EDA: variants seen among roughly 807,000 people sequenced by gnomAD.
EDA encodes ectodysplasin A.
In EDA, 2 loss-of-function variants were observed where a neutral mutation model predicts 23.6. That is an observed-to-expected ratio of 0.08 (90% CI 0.03 to 0.27). EDA has a LOEUF of 0.27. Among genes scored for constraint, EDA ranks in the 10% least tolerant of loss-of-function variants. The pLI, the probability that EDA is intolerant of heterozygous loss-of-function variation, is 1.00. For missense variants in EDA, 229 were observed against 324.2 expected (o/e 0.71, Z 2.26); for synonymous variants, 131 against 132.0 (o/e 0.99, Z 0.05).
chrX:69,850,997 A>G (rs2017112682), intron 1 of EDA, among the ~76,000 whole-genome samples: 1 of 111,990 alleles, frequency 8.9e-6, no homozygotes. Flanking sequence ...CCCCTGTGAA[A>G]TCTTATTTGT....
At chrX:69,959,761 G>C (rs929984242) in intron 2 of EDA, among the ~76,000 whole-genome samples, 8 of 100,209 alleles carry the variant, frequency 8.0e-5, no homozygotes, top group Non-Finnish European at 1.4e-4. Flanking sequence ...CAGGGAGAGA[G>C]AGTGATGGGG....
intron 1 of EDA, among the ~76,000 whole-genome samples, chrX:69,653,407 C>G (rs1933170433): frequency 9.0e-6 from 1 of 111,408 alleles, no homozygotes; most frequent in Admixed American, 9.6e-5. Context: ...GATATACAAT[C>G]ATGTCATCTG....
chrX:69,678,113 T>C (rs1395033305), intron 1 of EDA, among the ~76,000 whole-genome samples: 1 of 111,351 alleles, frequency 9.0e-6, no homozygotes, highest in East Asian at 2.8e-4. Context: ...GTCAGGTTTG[T>C]CAAAGATCAG....
chrX:69,955,495 T>C (rs2018986712), intron 1 of EDA, among the ~76,000 whole-genome samples: 1 of 111,644 alleles, frequency 9.0e-6, no homozygotes, highest in Non-Finnish European at 1.9e-5. Flanking sequence ...TTGTGTGGAA[T>C]ATTGGGGCTT....
intron 1 of EDA, among the ~76,000 whole-genome samples, chrX:69,910,899 A>T (rs2018257117): frequency 8.9e-6 from 1 of 112,160 alleles, no homozygotes; most frequent in African/African-American, 3.2e-5. Context: ...GCTGATTTCA[A>T]TGTATGTATC....
chrX:69,826,060 G>A (rs978448863), intron 1 of EDA, among the ~76,000 whole-genome samples: 1 of 109,643 alleles, frequency 9.1e-6, no homozygotes, highest in African/African-American at 3.3e-5. Context: ...TGTGGTCTGA[G>A]AGATAGTTTG....
chrX:69,739,231 A>G (rs1188851992), intron 1 of EDA, among the ~76,000 whole-genome samples: 1 of 111,409 alleles, frequency 9.0e-6, no homozygotes. Context: ...ATATCACTAC[A>G]TAATATCCCT....
chrX:69,999,458 C>CA lies in EDA; in HGVS notation c.503-23752dup, dbSNP rs769205404. ...TGAAACCCCATCTCTACTAAAAATA[C>CA]AAAAAAAATTAGCTGGGCACAGTGG... On this transcript the variant is annotated intron_variant, in intron 2 of 7. Transcript: ENST00000374552. 4.7e-3 allele frequency among the ~76,000 whole-genome samples: 514 copies of CA among 108,551 alleles called. 4 individuals carry two copies. The highest frequency in any genetic ancestry group is 0.016 in the African/African-American group (489 of 29,796). The allele number at this position is 108,551 out of a possible 115,157, so 94.3% of individuals were successfully genotyped here. A position where few individuals can be genotyped will look rare whatever the true frequency, so the allele number is the denominator to read the frequency against.
chrX:70,033,668 T>G, intron 7 of EDA, 140 bp downstream of exon 7: 1 of 675,295 alleles, frequency 1.5e-6, no homozygotes, highest in Non-Finnish European at 2.3e-6. Flanking sequence ...GGGACCGCAC[T>G]GGGAGGGAGT....
chrX:70,012,076 C>T (rs1052979733), intron 2 of EDA, among the ~76,000 whole-genome samples: 3 of 111,350 alleles, frequency 2.7e-5, no homozygotes, highest in African/African-American at 9.8e-5. Flanking sequence ...AAAATTTGTC[C>T]AATCCCAATT....
chrX:70,017,926 C>T (rs1230802973), intron 2 of EDA, among the ~76,000 whole-genome samples: 1 of 111,842 alleles, frequency 8.9e-6, no homozygotes, highest in Non-Finnish European at 1.9e-5. Context: ...TCTTTGCAGA[C>T]AATATGATTC....
At chrX:69,692,013 A>T (rs1934722415) in intron 1 of EDA, among the ~76,000 whole-genome samples, 3 of 111,678 alleles carry the variant, frequency 2.7e-5, no homozygotes. Context: ...GGAAATAAGA[A>T]CATTTCTTCC....
chrX:69,953,419 G>A (rs2018956417), intron 1 of EDA, among the ~76,000 whole-genome samples: 1 of 112,246 alleles, frequency 8.9e-6, no homozygotes, highest in Non-Finnish European at 1.9e-5. Flanking sequence ...TGAAGATGCA[G>A]AGCACTGGGA....
intron 1 of EDA, among the ~76,000 whole-genome samples, chrX:69,639,177 CTT>C (rs933621302): frequency 2.7e-5 from 3 of 111,482 alleles, no homozygotes; most frequent in Non-Finnish European, 5.7e-5. Context: ...TGGATGGACA[CTT>C]GGGTTGCTTC....
intron 1 of EDA, among the ~76,000 whole-genome samples, chrX:69,940,354 G>T (rs2018739658): frequency 9.0e-6 from 1 of 110,598 alleles, no homozygotes; most frequent in Non-Finnish European, 1.9e-5. Flanking sequence ...GTTTCTTCTA[G>T]ATTTTTCAAT....
intron 1 of EDA, among the ~76,000 whole-genome samples, chrX:69,938,909 A>G (rs1224760831): frequency 3.6e-5 from 4 of 111,884 alleles, no homozygotes; most frequent in African/African-American, 1.3e-4. Context: ...TTCACTGTAG[A>G]TGTATGGATT....
At chrX:69,661,934 C>T (rs1438740331) in intron 1 of EDA, among the ~76,000 whole-genome samples, 2 of 111,354 alleles carry the variant, frequency 1.8e-5, no homozygotes. Flanking sequence ...CTAATGTATC[C>T]ATCATCTCAC....
intron 1 of EDA, among the ~76,000 whole-genome samples, chrX:69,627,796 T>C (rs1459454376): frequency 9.0e-6 from 1 of 111,594 alleles, no homozygotes; most frequent in Non-Finnish European, 1.9e-5. Context: ...GGAATACCAT[T>C]TGGAAAATCA....
intron 1 of EDA, among the ~76,000 whole-genome samples, chrX:69,622,395 C>T (rs1198291408): frequency 2.7e-5 from 3 of 112,247 alleles, no homozygotes; most frequent in Non-Finnish European, 5.6e-5. Flanking sequence ...TCTTTTTAGC[C>T]ATAGCTGTTC....
Sources: allele counts gnomAD v4.1 joint callset (sites outside exome capture counted in the v4.1 genomes callset), GRCh38; gene constraint gnomAD v4.1.1; transcripts MANE v1.5; gene names NCBI Gene and HGNC (gene_info 2026-07-23, HGNC 2026-07-21).